Variants in CDH18 observed in about 807,000 individuals in gnomAD.
The protein encoded by CDH18 is cadherin 18.
Under a neutral mutation model 67.9 loss-of-function variants are expected in CDH18, and 31 were observed. The ratio of observed to expected loss-of-function variants is 0.46; its 90% confidence interval spans 0.34 to 0.62. CDH18 has a LOEUF of 0.62. Ranked by LOEUF, CDH18 falls within the 20% of genes least tolerant of loss-of-function variation. The probability of loss-of-function intolerance (pLI) is 0.01; values close to 1 mark genes in which losing one functional copy is unlikely to be tolerated. For missense variants in CDH18, 890 were observed against 975.5 expected (o/e 0.91, Z 1.17); for synonymous variants, 362 against 347.2 (o/e 1.04, Z -0.48).
At chr5:20,172,218 ATAT>A (rs1190034157) in intron 2 of CDH18, among the ~76,000 whole-genome samples, 1 of 80,744 alleles carries the variant, frequency 1.2e-5, no homozygotes, top group African/African-American at 5.9e-5. Context: ...ATATATATAT[ATAT>A]ATGTATATAT....
intron 2 of CDH18, among the ~76,000 whole-genome samples, chr5:19,854,337 G>T (rs190002738): frequency 2.2e-4 from 33 of 152,198 alleles, no homozygotes; most frequent in African/African-American, 7.9e-4. Context: ...CAATCATTTT[G>T]AGGGAAATCT....
intron 2 of CDH18, among the ~76,000 whole-genome samples, chr5:20,026,729 C>T (rs1379341764): frequency 2.6e-5 from 4 of 151,954 alleles, no homozygotes; most frequent in East Asian, 1.9e-4. Flanking sequence ...TAGGCCAAGG[C>T]GGGTGGATCA....
intron 2 of CDH18, among the ~76,000 whole-genome samples, chr5:20,212,260 C>A (rs1395895281): frequency 6.6e-6 from 1 of 151,840 alleles, no homozygotes; most frequent in Admixed American, 6.6e-5. Context: ...GAACAGACTC[C>A]AAGAAATATG....
intron 6 of CDH18, among the ~76,000 whole-genome samples, chr5:19,599,184 A>C (rs2150058322): frequency 6.6e-6 from 1 of 152,238 alleles, no homozygotes; most frequent in African/African-American, 2.4e-5. Flanking sequence ...ACACAAATAT[A>C]TGTACACACA....
At chr5:19,777,426 G>A (rs574009779) in intron 3 of CDH18, among the ~76,000 whole-genome samples, 3 of 152,332 alleles carry the variant, frequency 2.0e-5, no homozygotes, top group African/African-American at 7.2e-5. Context: ...GGGTAGGTTA[G>A]CAATTATACA....
At chr5:20,312,849 A>G (rs1392265804) in intron 1 of CDH18, among the ~76,000 whole-genome samples, 1 of 152,112 alleles carries the variant, frequency 6.6e-6, no homozygotes, top group Non-Finnish European at 1.5e-5. Context: ...TCCTGTTTCT[A>G]AATTTAAGCC....
At chr5:20,012,372 CAAAAAAA>C (rs374226366) in intron 2 of CDH18, among the ~76,000 whole-genome samples, 1 of 116,088 alleles carries the variant, frequency 8.6e-6, no homozygotes, top group Non-Finnish European at 1.7e-5. Flanking sequence ...TTATCTTGTT[CAAAAAAA>C]AAAAAAAAAA....
chr5:20,012,305 T>A (rs2150416997), intron 2 of CDH18, among the ~76,000 whole-genome samples: 1 of 150,892 alleles, frequency 6.6e-6, no homozygotes, highest in Non-Finnish European at 1.5e-5. Context: ...TGATTATGTT[T>A]ACTTGAATCT....
At chr5:19,884,751 C>A (rs1230513701) in intron 2 of CDH18, among the ~76,000 whole-genome samples, 4 of 151,806 alleles carry the variant, frequency 2.6e-5, no homozygotes, top group Non-Finnish European at 5.9e-5. Context: ...TTTATTGTTG[C>A]TTGAAAGGAC....
At chr5:20,394,901 C>T (rs1200952108) in intron 1 of CDH18, among the ~76,000 whole-genome samples, 1 of 151,614 alleles carries the variant, frequency 6.6e-6, no homozygotes, top group African/African-American at 2.4e-5. Context: ...TTACCCCAGG[C>T]AGGATGGCAA....
chr5:20,022,874 A>G (rs927542687), intron 2 of CDH18, among the ~76,000 whole-genome samples: 36 of 152,310 alleles, frequency 2.4e-4, no homozygotes, highest in African/African-American at 7.7e-4. Flanking sequence ...GCACTCGGGT[A>G]TACAAAATCA....
intron 2 of CDH18, among the ~76,000 whole-genome samples, chr5:20,120,409 T>C (rs895147891): frequency 1.3e-5 from 2 of 152,146 alleles, no homozygotes; most frequent in African/African-American, 4.8e-5. Flanking sequence ...TATACTATAT[T>C]ATTATTTCTA....
chr5:20,547,943 A>T (rs977364899), intron 1 of CDH18, among the ~76,000 whole-genome samples: 1 of 152,040 alleles, frequency 6.6e-6, no homozygotes, highest in African/African-American at 2.4e-5. Flanking sequence ...CTCAGTTTGA[A>T]TATAGGTATT....
At chr5:19,776,761 TTGG>T (rs1467356655) in intron 3 of CDH18, among the ~76,000 whole-genome samples, 1 of 152,132 alleles carries the variant, frequency 6.6e-6, no homozygotes. Flanking sequence ...AGTGGGAGCT[TTGG>T]AGTGTGGTAT....
At chr5:20,217,586 A>G (rs1334022334) in intron 2 of CDH18, among the ~76,000 whole-genome samples, 2 of 151,936 alleles carry the variant, frequency 1.3e-5, no homozygotes, top group Admixed American at 6.6e-5. Flanking sequence ...AATAAAATTA[A>G]GACAGAAAGG....
intron 2 of CDH18, among the ~76,000 whole-genome samples, chr5:20,029,121 A>G (rs978855031): frequency 6.6e-6 from 1 of 152,142 alleles, no homozygotes. Context: ...TAAATTATAT[A>G]TTGAAATCCC....
intron 1 of CDH18, among the ~76,000 whole-genome samples, chr5:20,564,260 T>TTTTATTATTTA (rs1758376401): frequency 7.1e-6 from 1 of 141,596 alleles, no homozygotes; most frequent in Non-Finnish European, 1.5e-5. Flanking sequence ...ATTATCACAG[T>TTTTATTATTTA]TTTATTTATT....
intron 5 of CDH18, among the ~76,000 whole-genome samples, chr5:19,624,305 T>A (rs1387388898): frequency 6.6e-6 from 1 of 152,014 alleles, no homozygotes; most frequent in Non-Finnish European, 1.5e-5. Context: ...CCACCCTGGC[T>A]GCCATACTCA....
At chr5:19,962,690 C>G (rs1227180255) in intron 2 of CDH18, among the ~76,000 whole-genome samples, 1 of 151,964 alleles carries the variant, frequency 6.6e-6, no homozygotes, top group Non-Finnish European at 1.5e-5. Flanking sequence ...GCAAGAGAAT[C>G]TATTGAACCT....
Sources: allele counts gnomAD v4.1 joint callset (sites outside exome capture counted in the v4.1 genomes callset), GRCh38; gene constraint gnomAD v4.1.1; transcripts MANE v1.5; gene names NCBI Gene and HGNC (gene_info 2026-07-23, HGNC 2026-07-21).